Variants in ZNF638 observed in about 807,000 individuals in gnomAD.
ZNF638 encodes CTCL tumor antigen se33-1.
ZNF638 carries 46 observed loss-of-function variants against 195.6 expected under a neutral mutation model. The observed-to-expected ratio is 0.24, with a 90% CI of 0.19 to 0.30. The LOEUF (loss-of-function observed/expected upper bound fraction) is 0.30. Ranked by LOEUF, ZNF638 falls within the 10% of genes least tolerant of loss-of-function variation. ZNF638 has a pLI of 1.00. For missense variants in ZNF638, 2,440 were observed against 2,325.3 expected, an observed-to-expected ratio of 1.05 and a Z score of -1.01; for synonymous variants, 845 against 772.0, an observed-to-expected ratio of 1.09 and a Z score of -1.57.
At chr2:71,354,678 A>G (rs1273180978) in intron 2 of ZNF638, among the ~76,000 whole-genome samples, 1 of 151,752 alleles carries the variant, frequency 6.6e-6, no homozygotes, top group Non-Finnish European at 1.5e-5. Flanking sequence ...TGGAGAGTGC[A>G]GTGATCCGAG....
rs1388906652 is a variant in ZNF638, at chr2:71,366,673, T to C, written c.1995+967T>C. Among the ~76,000 whole-genome samples the C allele has an allele frequency of 2.6e-5, 4 of 152,318 alleles. No homozygotes were observed. In the East Asian group the frequency reaches 5.8e-4, roughly 22 times the overall value. On this transcript the variant is annotated intron_variant, in intron 6 of 27. Transcript: ENST00000264447. ...AGCATTATTGAGCTTTTGTAATCTT[T>C]TTTAGTAAGGTATAAGAGTGAGCCT...
chr2:71,405,541 G>A (rs947797819), intron 17 of ZNF638, 60 bp from the exon 18 acceptor site: 91 of 1,021,286 alleles, frequency 8.9e-5, no homozygotes, highest in Admixed American at 2.4e-5. Flanking sequence ...TCTTAACTAA[G>A]TAAGTATTTG....
chr2:71,402,343 G>A (rs12612827), intron 16 of ZNF638, among the ~76,000 whole-genome samples: 8,902 of 151,966 alleles, frequency 0.059, 972 homozygotes, highest in East Asian at 0.55. Context: ...AATAGGAAAC[G>A]TTTTATATCT....
rs115148779 is a variant in ZNF638 at position 71,366,343 on chromosome 2, G to C, written c.1995+637G>C. On this transcript the variant is annotated intron_variant, in intron 6 of 27. Coordinates refer to ENST00000264447, the MANE Select transcript of ZNF638 (RefSeq NM_014497.5). ...CCACTGCACTCCAGCCTGAACTACAGAAGGAAGACCCTGTCTCAAGAAAAA... is the reference window on the plus strand; with the variant it reads ...CCACTGCACTCCAGCCTGAACTACACAAGGAAGACCCTGTCTCAAGAAAAA... Among the ~76,000 whole-genome samples, 456 of 149,004 alleles carry C rather than the reference G, an allele frequency of 3.1e-3. 2 individuals carry two copies. Among genetic ancestry groups the C allele is most frequent in the African/African-American group, 0.011 (440 of 39,712 alleles).
At chr2:71,356,416 TC>T (rs1219630594) in intron 3 of ZNF638, among the ~76,000 whole-genome samples, 1 of 152,196 alleles carries the variant, frequency 6.6e-6, no homozygotes, top group Non-Finnish European at 1.5e-5. Flanking sequence ...ATTAAACAGT[TC>T]CTAGCCACTA....
At position 71,417,868 on chromosome 2, in the gene ZNF638, T is replaced by A. The variant is rs2080336097; in HGVS notation, c.3262-734T>A. Among the ~76,000 whole-genome samples the A allele has an allele frequency of 2.0e-5, 3 of 152,330 alleles. No individual in the cohort carries two copies. In the East Asian group the frequency reaches 5.8e-4, roughly 29 times the overall value. On this transcript the variant is annotated intron_variant, in intron 20 of 27. Transcript: ENST00000264447. ...TGCCAGGAATCCTCTCTAGACACAT[T>A]GAATTTCCTTAAAGTATTGTTTTCA... is the stretch of plus-strand genomic sequence containing the variant.
At chr2:71,396,114 A>G in intron 10 of ZNF638, 27 bp from the exon 11 acceptor site, 4 of 1,602,830 alleles carry the variant, frequency 2.5e-6, no homozygotes, top group Non-Finnish European at 3.4e-6. Flanking sequence ...GTAATGTAGT[A>G]CTTAAATGTT....
intron 2 of ZNF638, among the ~76,000 whole-genome samples, chr2:71,353,714 C>G (rs2078978965): frequency 6.6e-6 from 1 of 152,038 alleles, no homozygotes; most frequent in African/African-American, 2.4e-5. Flanking sequence ...ACTGTATCTT[C>G]CTATTTTTTC....
intron 8 of ZNF638, among the ~76,000 whole-genome samples, chr2:71,370,666 A>T (rs1227304239): frequency 1.3e-5 from 2 of 152,078 alleles, no homozygotes; most frequent in Non-Finnish European, 2.9e-5. Context: ...AAATATTTTT[A>T]TATCTTAAAA....
intron 10 of ZNF638, among the ~76,000 whole-genome samples, chr2:71,389,830 T>G (rs1043735705): frequency 6.6e-6 from 1 of 152,188 alleles, no homozygotes; most frequent in African/African-American, 2.4e-5. Flanking sequence ...ATCTTATTGT[T>G]GCAGTTGGCT....
intron 16 of ZNF638, among the ~76,000 whole-genome samples, chr2:71,403,212 T>C (rs1012031943): frequency 6.6e-6 from 1 of 152,180 alleles, no homozygotes; most frequent in Non-Finnish European, 1.5e-5. Flanking sequence ...CACATCTACA[T>C]TATGCTGTAA....
intron 10 of ZNF638, among the ~76,000 whole-genome samples, chr2:71,384,817 G>T (rs1573091377): frequency 6.6e-6 from 1 of 152,144 alleles, no homozygotes. Flanking sequence ...AATGTTTATT[G>T]TGAAAATTTT....
chr2:71,417,020 C>G (rs56656506), intron 20 of ZNF638, among the ~76,000 whole-genome samples: 2 of 140,590 alleles, frequency 1.4e-5, no homozygotes, highest in South Asian at 2.4e-4. Context: ...TCGAGCTTCC[C>G]GGCTGCTTTG....
At chr2:71,428,135 T>TGAGCAATGGTTGTGCC (rs1178334442) in intron 24 of ZNF638, among the ~76,000 whole-genome samples, 23 of 152,250 alleles carry the variant, frequency 1.5e-4, no homozygotes, top group African/African-American at 5.5e-4. Flanking sequence ...GAGGTTGTGG[T>TGAGCAATGGTTGTGCC]GAGCAATGGT....
chr2:71,335,295 C>T (rs2078646642), intron 1 of ZNF638, among the ~76,000 whole-genome samples: 1 of 152,162 alleles, frequency 6.6e-6, no homozygotes, highest in Admixed American at 6.5e-5. Context: ...CCCACCTTAA[C>T]CCGCCTAAAT....
rs199889606 is a variant in ZNF638, at chr2:71,364,067, C to G, written c.1532C>G (p.Pro511Arg). 3 of 1,614,136 alleles carry G rather than the reference C, an allele frequency of 1.9e-6. No individual in the cohort carries two copies. The highest frequency in any genetic ancestry group is 3.3e-5 in the Admixed American group (2 of 60,006). Residue 511 changes from proline to arginine, a missense_variant, in exon 5 of 28, where the codon CCA becomes CGA. Pro to Arg is a moderately radical substitution (Grantham distance 103). Around this residue, in one of 5 missense-constraint regions of ZNF638, gnomAD observed 1,883 missense variants for 1,739.1 expected, o/e 1.08. Coordinates refer to ENST00000264447, the MANE Select transcript of ZNF638 (RefSeq NM_014497.5). ...CACAGATTCCGTCGGTCTCGAAGCCCAATGCATTACATGTATAGGCCGAGA... is the reference window on the plus strand; with the variant it reads ...CACAGATTCCGTCGGTCTCGAAGCCGAATGCATTACATGTATAGGCCGAGA... ...SSHRFRRSRS[P>R]MHYMYRPRSR...
At chr2:71,377,508 A>G (rs1278566830) in intron 8 of ZNF638, among the ~76,000 whole-genome samples, 1 of 152,246 alleles carries the variant, frequency 6.6e-6, no homozygotes, top group African/African-American at 2.4e-5. Context: ...TAATGAATTA[A>G]CAAGGAGATA....
chr2:71,392,427 G>A (rs972756867), intron 10 of ZNF638, among the ~76,000 whole-genome samples: 2 of 152,114 alleles, frequency 1.3e-5, no homozygotes, highest in Admixed American at 6.5e-5. Context: ...CCTAGAAACC[G>A]AATCCGTTCA....
At chr2:71,421,777 A>G (rs1375141073) in intron 21 of ZNF638, among the ~76,000 whole-genome samples, 8 of 152,180 alleles carry the variant, frequency 5.3e-5, no homozygotes, top group Non-Finnish European at 8.8e-5. Context: ...TTCTCATTAT[A>G]TGAATATATT....
Sources: gnomAD v4.1 joint callset for allele counts (sites outside exome capture counted in the v4.1 genomes callset) on GRCh38, gnomAD v4.1.1 for gene constraint, gnomAD v4.1.1 regional missense constraint, MANE v1.5 for transcripts, NCBI Gene and HGNC (gene_info 2026-07-23, HGNC 2026-07-21) for gene names.